The following LRRC4C variants were observed in gnomAD, a reference collection of about 807,000 sequenced individuals.
The protein encoded by LRRC4C is leucine rich repeat containing 4C.
A neutral mutation model predicts 33.6 loss-of-function variants in LRRC4C; 5 were observed. That is an observed-to-expected ratio of 0.15 (90% confidence interval 0.08 to 0.31). LRRC4C has a LOEUF of 0.31. Among genes scored for constraint, LRRC4C ranks in the 10% least tolerant of loss-of-function variants. The probability of loss-of-function intolerance (pLI) is 1.00; values close to 1 mark genes in which losing one functional copy is unlikely to be tolerated. For synonymous variants in LRRC4C, 329 were observed against 302.0 expected, an observed-to-expected ratio of 1.09 and a Z score of -0.93; for missense variants, 560 against 796.7, an observed-to-expected ratio of 0.70 and a Z score of 3.58.
chr11:41,235,706 T>C (rs1947991294), intron 1 of LRRC4C, among the ~76,000 whole-genome samples: 1 of 152,116 alleles, frequency 6.6e-6, no homozygotes, highest in Non-Finnish European at 1.5e-5. Context: ...TTCCAGGAAA[T>C]CTTCGGTATC....
chr11:40,934,608 G>T (rs1005539228), intron 1 of LRRC4C, among the ~76,000 whole-genome samples: 3 of 151,710 alleles, frequency 2.0e-5, no homozygotes, highest in Admixed American at 1.3e-4. Context: ...CCAGAGCACC[G>T]TTCTCTCCAG....
At chr11:40,792,759 T>A in intron 2 of LRRC4C, among the ~76,000 whole-genome samples, 1 of 152,014 alleles carries the variant, frequency 6.6e-6, no homozygotes, top group East Asian at 1.9e-4. Context: ...AATGATAGAC[T>A]GGATTAAGAA....
rs535007270 is a variant in LRRC4C, at chr11:40,360,625, T to C, written c.-269-40904A>G. The stretch of plus-strand genomic sequence containing the variant: ...GTCATTCTAATCAGTCTCAGTCACA[T>C]TGAGGCCAGGAGAGCACAAAGGGGA... On this transcript the variant is annotated intron_variant, in intron 3 of 6. Transcript: ENST00000528697. 2.6e-5 allele frequency among the ~76,000 whole-genome samples: 4 copies of C among 152,248 alleles called. 1 individual carries two copies. In the East Asian group the frequency reaches 7.7e-4, roughly 29 times the overall value.
chr11:40,801,859 C>T (rs537172820), intron 2 of LRRC4C, among the ~76,000 whole-genome samples: 2 of 152,148 alleles, frequency 1.3e-5, no homozygotes, highest in Non-Finnish European at 2.9e-5. Context: ...TAATCACATA[C>T]ATAAATATGA....
At chr11:41,156,117 T>C (rs1944221242) in intron 1 of LRRC4C, among the ~76,000 whole-genome samples, 1 of 152,002 alleles carries the variant, frequency 6.6e-6, no homozygotes, top group African/African-American at 2.4e-5. Context: ...AAAGCAAAAA[T>C]AAACAGACTT....
intron 3 of LRRC4C, among the ~76,000 whole-genome samples, chr11:40,331,718 C>A (rs1421426659): frequency 1.3e-5 from 2 of 152,128 alleles, no homozygotes; most frequent in Non-Finnish European, 2.9e-5. Context: ...TCTTCTCCTG[C>A]CGTCAGATAT....
intron 3 of LRRC4C, among the ~76,000 whole-genome samples, chr11:40,394,426 T>G (rs888360129): frequency 2.0e-5 from 3 of 152,178 alleles, no homozygotes; most frequent in Admixed American, 2.0e-4. Context: ...AGCTGGTGAA[T>G]TAAGGGATAC....
chr11:40,964,148 G>C (rs1376828092), intron 1 of LRRC4C, among the ~76,000 whole-genome samples: 3 of 151,562 alleles, frequency 2.0e-5, no homozygotes, highest in Non-Finnish European at 3.0e-5. Flanking sequence ...GAAAGGTTGT[G>C]AGGATCCATA....
intron 1 of LRRC4C, among the ~76,000 whole-genome samples, chr11:41,100,935 A>G (rs1373518679): frequency 6.6e-6 from 1 of 152,196 alleles, no homozygotes; most frequent in African/African-American, 2.4e-5. Context: ...GAAACAAGCA[A>G]TGGAAAAAGG....
chr11:40,280,841 C>A (rs2136442945), intron 4 of LRRC4C, among the ~76,000 whole-genome samples: 1 of 152,272 alleles, frequency 6.6e-6, no homozygotes, highest in South Asian at 2.1e-4. Context: ...CCACAGCTTC[C>A]GTTTAATTAG....
At chr11:40,723,650 A>G (rs1048821520) in intron 2 of LRRC4C, among the ~76,000 whole-genome samples, 2 of 152,166 alleles carry the variant, frequency 1.3e-5, no homozygotes, top group African/African-American at 2.4e-5. Context: ...CTCCTACCAC[A>G]AAAACATACA....
chr11:41,162,186 C>A (rs1944501844), intron 1 of LRRC4C, among the ~76,000 whole-genome samples: 1 of 152,138 alleles, frequency 6.6e-6, no homozygotes, highest in Non-Finnish European at 1.5e-5. Context: ...CCAGCATCGC[C>A]TTTGATTGGA....
At position 41,273,947 on chromosome 11, in the gene LRRC4C, C is replaced by T. The variant is rs192081085; in HGVS notation, c.-496+185484G>A. Among the ~76,000 whole-genome samples the T allele has an allele frequency of 3.9e-5, 6 of 152,076 alleles. No homozygotes were observed. In the East Asian group the frequency reaches 5.8e-4, roughly 15 times the overall value. ...AAAAAGTAAAGCAGTTAAGGAGAAA[C>T]GGAGTGATGTTAAGGTGACAATAAA... is the stretch of plus-strand genomic sequence containing the variant. On this transcript the variant is annotated intron_variant, in intron 1 of 6. Transcript: ENST00000528697.
chr11:41,131,654 G>A (rs1943018834), intron 1 of LRRC4C, among the ~76,000 whole-genome samples: 1 of 152,032 alleles, frequency 6.6e-6, no homozygotes, highest in South Asian at 2.1e-4. Flanking sequence ...CAGGAGGTTA[G>A]GCATTCTTAG....
chr11:40,230,400 T>C (rs1865116048), intron 5 of LRRC4C, among the ~76,000 whole-genome samples: 1 of 152,168 alleles, frequency 6.6e-6, no homozygotes, highest in Non-Finnish European at 1.5e-5. Context: ...GTGTGTACCA[T>C]GCACATGTTT....
At chr11:40,592,443 T>A (rs1959101753) in intron 3 of LRRC4C, among the ~76,000 whole-genome samples, 1 of 152,140 alleles carries the variant, frequency 6.6e-6, no homozygotes, top group Non-Finnish European at 1.5e-5. Context: ...TCCCATATGA[T>A]CAATTGCTAT....
rs570726781 is a variant in LRRC4C at position 40,989,809 on chromosome 11, C to T, written c.-495-56086G>A. ...TAATGTGTTTTAAAGGTACAGTCAG[C>T]CCTCCATATCCTTGCCTTCCCATCC... On this transcript the variant is annotated intron_variant, in intron 1 of 6. Coordinates refer to ENST00000528697, the MANE Select transcript of LRRC4C (RefSeq NM_001258419.2). Among the ~76,000 whole-genome samples the T allele has an allele frequency of 2.2e-4, 34 of 152,078 alleles. No homozygotes were observed. The South Asian group carries it at 5.4e-3, about 24-fold the overall frequency.
At chr11:41,233,316 T>C (rs1947881037) in intron 1 of LRRC4C, among the ~76,000 whole-genome samples, 1 of 151,948 alleles carries the variant, frequency 6.6e-6, no homozygotes, top group Non-Finnish European at 1.5e-5. Flanking sequence ...ATGTTGGCCT[T>C]AGGGGGAAAA....
At chr11:40,787,992 C>T (rs1292940069) in intron 2 of LRRC4C, among the ~76,000 whole-genome samples, 1 of 152,160 alleles carries the variant, frequency 6.6e-6, no homozygotes, top group Non-Finnish European at 1.5e-5. Flanking sequence ...ATACAAAACA[C>T]CGCACTGTTA....
Sources: allele counts gnomAD v4.1 joint callset (sites outside exome capture counted in the v4.1 genomes callset), GRCh38; gene constraint gnomAD v4.1.1; transcripts MANE v1.5; gene names NCBI Gene and HGNC (gene_info 2026-07-23, HGNC 2026-07-21).